EVPL: variants seen among roughly 807,000 people sequenced by gnomAD.
EVPL encodes 210 kDa cornified envelope precursor protein.
In EVPL, 94 loss-of-function variants were observed where a neutral mutation model predicts 129.7. The ratio of observed to expected loss-of-function variants is 0.72; its 90% CI spans 0.61 to 0.86. EVPL has a LOEUF of 0.86. Ranked by LOEUF, EVPL falls within the 40% of genes least tolerant of loss-of-function variation. EVPL has a pLI of 0.00. For missense variants in EVPL, 2,625 were observed against 2,721.1 expected, an observed-to-expected ratio of 0.96 and a Z score of 0.79; for synonymous variants, 1,172 against 1,191.1, an observed-to-expected ratio of 0.98 and a Z score of 0.33.
At chr17:76,026,053 C>T (rs896701578) in intron 1 of EVPL, among the ~76,000 whole-genome samples, 8 of 152,142 alleles carry the variant, frequency 5.3e-5, no homozygotes, top group Non-Finnish European at 8.8e-5. Flanking sequence ...GTGATCCTCT[C>T]ACCTCAGCCT....
chr17:76,008,163 T>C lies in EVPL; in HGVS notation c.5042A>G (p.Asn1681Ser), dbSNP rs542711583. ...LSQETQTRET[N>S]LSTKISILEP... ...CAGGATGGAGATCTTGGTGGAAAGG[T>C]TGGTCTCTCGCGTCTGGGTCTCCTG... Residue 1681 changes from asparagine to serine, a missense_variant, in exon 22 of 22, where the codon AAC (asparagine) becomes AGC (serine). Asn to Ser is a conservative substitution (Grantham distance 46). This residue lies in a region of EVPL where 1,453 missense variants were observed against 1,511.8 expected (regional missense o/e 0.96). Transcript: ENST00000301607. This position sits in a 1 kb window ranked among gnomAD's most constrained non-coding sequence, Gnocchi z 7.4. 8 of 1,614,146 alleles carry C rather than the reference T, an allele frequency of 5.0e-6. No individual in the cohort carries two copies. In the African/African-American group the frequency reaches 5.3e-5, roughly 11 times the overall value.
chr17:76,019,488 C>T (rs373144353), intron 10 of EVPL, 40 bp downstream of exon 10: 1 of 1,525,452 alleles, frequency 6.6e-7, no homozygotes, highest in Non-Finnish European at 8.8e-7. Context: ...GGACCAATTC[C>T]CAGAAGTGGG....
At position 76,024,010 on chromosome 17, in the gene EVPL, C is replaced by G; in HGVS notation, c.198+11G>C. 1 of 1,609,864 alleles carries G rather than the reference C, an allele frequency of 6.2e-7. No homozygotes were observed. The highest frequency in any genetic ancestry group is 8.5e-7 in the Non-Finnish European group (1 of 1,178,492). On this transcript the variant is annotated intron_variant, in intron 2 of 21. Coordinates refer to ENST00000301607, the MANE Select transcript of EVPL (RefSeq NM_001988.4). The surrounding 1 kb of genome is among the most constrained non-coding windows in gnomAD (Gnocchi z 4.5). ...CTGTCCACGCCCTGCCAACTGCTGC[C>G]GGGGCCTCACCTGCTGCAGCCTCTT...
chr17:76,008,331 T>G lies in EVPL; in HGVS notation c.4874A>C (p.Glu1625Ala). Residue 1625 changes from glutamate to alanine, a missense_variant, in exon 22 of 22, where the codon GAG becomes GCG. Transcript: ENST00000301607. The surrounding 1 kb of genome is among the most constrained non-coding windows in gnomAD (Gnocchi z 7.4). Reference sequence around the variant, plus strand: ...CTGGGCCGCCTTCTGTCGCTCGCTCTCCGTCTTCTGGCTGAGCAGCTTCGA... The same window carrying G: ...CTGGGCCGCCTTCTGTCGCTCGCTCGCCGTCTTCTGGCTGAGCAGCTTCGA... ...EESKLLSQKTESERQKAAQRG... is the reference protein window; with the variant it reads ...EESKLLSQKTASERQKAAQRG... 4 of 1,606,170 alleles carry G rather than the reference T, an allele frequency of 2.5e-6. No homozygotes were observed. The highest frequency in any genetic ancestry group is 3.4e-6 in the Non-Finnish European group (4 of 1,179,814).
At chr17:76,011,749 A>C (rs2066378144) in intron 20 of EVPL, 23 bp downstream of exon 20, 1 of 1,610,616 alleles carries the variant, frequency 6.2e-7, no homozygotes, top group Admixed American at 1.7e-5. Flanking sequence ...AGGTCCACTG[A>C]GCCCCGCAAG....
intron 9 of EVPL, 76 bp downstream of exon 9, chr17:76,021,392 T>C: frequency 7.3e-7 from 1 of 1,376,932 alleles, no homozygotes; most frequent in Admixed American, 2.0e-5. Flanking sequence ...GCCTCTCCTG[T>C]GGGCAGGGGT....
chr17:76,011,819 G>A lies in EVPL; in HGVS notation c.2521C>T (p.Pro841Ser). ...AGGGGAGCCACTCGGGGTCTCTTGG[G>A]GGCTGACACTGCCAGGGTGGGCTCC... ...SLEPTLAVSA[P>S]KRPRVAPLQE... The change falls in exon 20 of 22, where the codon CCC (proline) becomes TCC (serine). Residue 841 changes from proline to serine, a missense_variant. Around this residue, in one of 4 missense-constraint regions of EVPL, gnomAD observed 1,024 missense variants for 997.5 expected, o/e 1.03. Coordinates refer to ENST00000301607, the MANE Select transcript of EVPL (RefSeq NM_001988.4). 1.2e-6 allele frequency: 2 copies of A among 1,613,106 alleles called. No individual in the cohort carries two copies. Among genetic ancestry groups the A allele is most frequent in the Non-Finnish European group, 1.7e-6 (2 of 1,179,670 alleles).
intron 1 of EVPL, among the ~76,000 whole-genome samples, chr17:76,026,242 A>T (rs2066497387): frequency 1.5e-5 from 2 of 130,200 alleles, no homozygotes; most frequent in African/African-American, 5.9e-5. Context: ...TTGCGCCAGG[A>T]TTTTTTTTTT....
chr17:76,008,252 C>T lies in EVPL; in HGVS notation c.4953G>A (p.Gln1651=). The T allele has an allele frequency of 6.2e-7, 1 of 1,613,520 alleles. No individual in the cohort carries two copies. Among genetic ancestry groups the T allele is most frequent in the Non-Finnish European group, 8.5e-7 (1 of 1,180,012 alleles). The change falls in exon 22 of 22, where the codon CAG becomes CAA. Residue 1651 remains glutamine, a synonymous_variant. Coordinates refer to ENST00000301607, the MANE Select transcript of EVPL (RefSeq NM_001988.4). This position sits in a 1 kb window ranked among gnomAD's most constrained non-coding sequence, Gnocchi z 7.4. ...GGAGCGTCCGCTCCTTCTCGTAGAT[C>T]TGGTCCTTCTCGCGGAGGATGGCCG... The part of the protein sequence containing the change: ...LEAAILREKD[Q]IYEKERTLRD...
At chr17:76,016,690 G>A (rs563905461) in intron 14 of EVPL, among the ~76,000 whole-genome samples, 1 of 152,210 alleles carries the variant, frequency 6.6e-6, no homozygotes, top group South Asian at 2.1e-4. Flanking sequence ...AATGCGGGAG[G>A]ATCGCTTGAG....
Position 76,022,535 on chromosome 17 carries a change from G to T in EVPL, c.484C>A (p.Gln162Lys). 12 of 1,604,562 alleles carry T rather than the reference G, an allele frequency of 7.5e-6. No individual in the cohort carries two copies. Among genetic ancestry groups the T allele is most frequent in the Admixed American group, 1.7e-5 (1 of 58,018 alleles). ...GGCCCGTACTGGCCTGCGCAGACCT[G>T]CTTCTGCAGGAGAGCCGGCGGCTCA... ...WARVLEQKQK[Q>K]VCAGQYGPGM... Residue 162 changes from glutamine (Q) to lysine (K), a missense_variant, in exon 5 of 22, where the codon CAG (glutamine) becomes AAG (lysine). Gln to Lys is a moderately conservative substitution (Grantham distance 53). Coordinates refer to ENST00000301607, the MANE Select transcript of EVPL (RefSeq NM_001988.4). The surrounding 1 kb of genome is among the most constrained non-coding windows in gnomAD (Gnocchi z 5.6).
In EVPL at chr17:76,007,640, C is replaced by G. The variant is rs1432455444; in HGVS notation, c.5565G>C (p.Gly1855=). The G allele has an allele frequency of 6.2e-7, 1 of 1,613,846 alleles. No individual in the cohort carries two copies. The highest frequency in any genetic ancestry group is 2.2e-5 in the East Asian group (1 of 44,878). ...VAKNMLDPIT[G]QKLLEAQAAT... Reference sequence around the variant, plus strand: ...CCGCCTGGGCCTCCAGTAGCTTCTGCCCAGTGATGGGGTCCAGCATGTTCT... The same window carrying G: ...CCGCCTGGGCCTCCAGTAGCTTCTGGCCAGTGATGGGGTCCAGCATGTTCT... The change falls in exon 22 of 22, where the codon GGG becomes GGC. Residue 1855 remains glycine, a synonymous_variant. Coordinates refer to ENST00000301607, the MANE Select transcript of EVPL (RefSeq NM_001988.4). This position sits in a 1 kb window ranked among gnomAD's most constrained non-coding sequence, Gnocchi z 8.8.
intron 14 of EVPL, among the ~76,000 whole-genome samples, chr17:76,015,942 G>A (rs2066416621): frequency 6.6e-6 from 1 of 152,116 alleles, no homozygotes; most frequent in Non-Finnish European, 1.5e-5. Flanking sequence ...TCAGGAGATC[G>A]AGACCAGCCT....
In EVPL at chr17:76,022,446, G is replaced by A. The variant is rs762617874; in HGVS notation, c.573C>T (p.Ala191=). The change falls in exon 5 of 22, where the codon GCC becomes GCT. Residue 191 remains alanine (A), a synonymous_variant. Coordinates refer to ENST00000301607, the MANE Select transcript of EVPL (RefSeq NM_001988.4). This position sits in a 1 kb window ranked among gnomAD's most constrained non-coding sequence, Gnocchi z 5.6. ...CGAGGCTCCGCAGCTGCTGCCCATA[G>A]GCGTCGATCTCCTTCTGCAGGATGT... is the stretch of plus-strand genomic sequence containing the variant. The part of the protein sequence containing the change: ...EHNILQKEID[A]YGQQLRSLVG... The A allele has an allele frequency of 1.9e-6, 3 of 1,613,866 alleles. No individual in the cohort carries two copies. Among genetic ancestry groups the A allele is most frequent in the Non-Finnish European group, 2.5e-6 (3 of 1,179,972 alleles).
intron 18 of EVPL, among the ~76,000 whole-genome samples, chr17:76,012,966 G>A (rs11870342): frequency 0.67 from 100,473 of 150,242 alleles, 35,088 homozygotes; most frequent in African/African-American, 0.9. Flanking sequence ...GGATGGTCTC[G>A]ATCTCCTGAC....
In EVPL at chr17:76,009,679, G is replaced by C. The variant is rs2066358502; in HGVS notation, c.3526C>G (p.Leu1176Val). Residue 1176 changes from leucine (L) to valine (V), a missense_variant, in exon 22 of 22, where the codon CTG becomes GTG. Leu to Val is a conservative substitution (Grantham distance 32). Around this residue, in one of 4 missense-constraint regions of EVPL, gnomAD observed 1,453 missense variants for 1,511.8 expected, o/e 0.96. Coordinates refer to ENST00000301607, the MANE Select transcript of EVPL (RefSeq NM_001988.4). This position sits in a 1 kb window ranked among gnomAD's most constrained non-coding sequence, Gnocchi z 5.9. Reference sequence around the variant, plus strand: ...TCCACCACGCTGTACTTGCTGTGCAGGTCGCTCAGCTCCCTGGCCAGCGTC... The same window carrying C: ...TCCACCACGCTGTACTTGCTGTGCACGTCGCTCAGCTCCCTGGCCAGCGTC... Reference protein sequence around the residue: ...NATLARELSDLHSKYSVVEKQ... With the variant: ...NATLARELSDVHSKYSVVEKQ... 1.2e-6 allele frequency: 2 copies of C among 1,613,526 alleles called. No homozygotes were observed.
At chr17:76,016,029 A>G (rs2144419423) in intron 14 of EVPL, among the ~76,000 whole-genome samples, 1 of 152,318 alleles carries the variant, frequency 6.6e-6, no homozygotes, top group South Asian at 2.1e-4. Flanking sequence ...CTGCAATCCC[A>G]GCTACCCAGG....
Position 76,006,944 on chromosome 17 carries a change from G to T in EVPL, c.*159C>A. On this transcript the variant is annotated 3_prime_UTR_variant, in exon 22 of 22. Coordinates refer to ENST00000301607, the MANE Select transcript of EVPL (RefSeq NM_001988.4). ...GTCTGGGGATGGATCAGGCACCAAG[G>T]TTAGGGGAGGGAGCCCATCACCATG... The T allele has an allele frequency of 2.4e-6, 2 of 823,194 alleles. No individual in the cohort carries two copies. The highest frequency in any genetic ancestry group is 1.6e-6 in the Non-Finnish European group (1 of 606,690). The allele number at this position is 823,194 out of a possible 1,614,324, so 51.0% of individuals were successfully genotyped here.
chr17:76,012,066 G>A lies in EVPL; in HGVS notation c.2397C>T (p.Ser799=). The A allele has an allele frequency of 6.2e-7, 1 of 1,611,500 alleles. No homozygotes were observed. The change falls in exon 19 of 22, where the codon AGC becomes AGT. Residue 799 remains serine (S), a synonymous_variant. Transcript: ENST00000301607. The stretch of plus-strand genomic sequence containing the variant: ...ATGCTGTGGCCCTGTCCCGCTCTCG[G>A]CTCTGGATCTCCTGCGTCAGCCTCT... ...AQKRLTQEIQ[S]RERDRATASH...
Sources: gnomAD v4.1 joint callset for allele counts (sites outside exome capture counted in the v4.1 genomes callset) on GRCh38, gnomAD v4.1.1 for gene constraint, gnomAD v4.1.1 regional missense constraint, Gnocchi (gnomAD v3.1) non-coding constraint, MANE v1.5 for transcripts, NCBI Gene and HGNC (gene_info 2026-07-23, HGNC 2026-07-21) for gene names.